Variants in NKIRAS2 observed in about 807,000 individuals in gnomAD.
NKIRAS2 encodes the protein NF-kappa-B inhibitor-interacting Ras-like protein 2.
A neutral mutation model predicts 20.7 loss-of-function variants in NKIRAS2; 15 were observed. That is an observed-to-expected ratio of 0.73 (90% confidence interval 0.49 to 1.12). NKIRAS2 has a LOEUF of 1.12. NKIRAS2 is among the 50% of genes most tolerant of loss of function. The probability of loss-of-function intolerance (pLI) is 0.00; values close to 1 mark genes in which losing one functional copy is unlikely to be tolerated. For synonymous variants in NKIRAS2, 116 were observed against 101.4 expected (o/e 1.14, Z -0.87); for missense variants, 196 against 249.6 (o/e 0.79, Z 1.45).
rs782191983 is a variant in NKIRAS2 at position 42,023,634 on chromosome 17, G to T, written c.337-20G>T. ...TTCTATGGTACATTCACAGGCCTAT[G>T]CTCTGTCCCTCTTCCCCAGGTCACC... On this transcript the variant is annotated intron_variant, in intron 3 of 3. Transcript: ENST00000393885. The T allele has an allele frequency of 4.3e-6, 7 of 1,611,370 alleles. No homozygotes were observed. Among genetic ancestry groups the T allele is most frequent in the Non-Finnish European group, 5.9e-6 (7 of 1,178,402 alleles).
rs782673937 is a variant in NKIRAS2 at position 42,022,578 on chromosome 17, G to A, written c.274G>A (p.Glu92Lys). ...YVLVYSTDSR[E>K]SFQRVELLKK... Reference sequence around the variant, plus strand: ...CCTGGTCTATAGCACAGATAGCAGAGAGTCTTTTCAGCGTGTGGAGCTGCT... The same window carrying A: ...CCTGGTCTATAGCACAGATAGCAGAAAGTCTTTTCAGCGTGTGGAGCTGCT... Residue 92 changes from glutamate to lysine, a missense_variant, in exon 3 of 4, where the codon GAG becomes AAG. Physicochemically the swap from Glu to Lys is moderately conservative, Grantham distance 56. Transcript: ENST00000393885. 6.2e-7 allele frequency: 1 copy of A among 1,614,162 alleles called. No homozygotes were observed. The highest frequency in any genetic ancestry group is 2.2e-5 in the East Asian group (1 of 44,876).
At chr17:42,018,565 G>T (rs184918510), upstream of NKIRAS2, 1 of 152,282 alleles carries the variant, frequency 6.6e-6, no homozygotes, top group African/African-American at 2.4e-5. Context: ...TGGAAAGGAG[G>T]GGTCATTCGT....
chr17:42,021,190 C>T (rs2052438531), intron 1 of NKIRAS2: 4 of 215,074 alleles, frequency 1.9e-5, no homozygotes, highest in Admixed American at 1.5e-4. Flanking sequence ...CTACATCTTG[C>T]GCACAGAAGG....
chr17:42,017,987 C>T (rs2052353283), upstream of NKIRAS2, among the ~76,000 whole-genome samples: 1 of 152,140 alleles, frequency 6.6e-6, no homozygotes, highest in Admixed American at 6.5e-5. Flanking sequence ...CGCCTTTCAT[C>T]CACTCCGGAT....
chr17:42,019,411 A>G (rs2052388563), upstream of NKIRAS2, among the ~76,000 whole-genome samples: 3 of 152,184 alleles, frequency 2.0e-5, no homozygotes, highest in Admixed American at 1.3e-4. Context: ...GGGACTGATC[A>G]TGTCTCTTCA....
chr17:42,022,346 T>A, intron 2 of NKIRAS2, 53 bp from the exon 3 acceptor site: 2 of 1,530,750 alleles, frequency 1.3e-6, no homozygotes, highest in Non-Finnish European at 1.8e-6. Flanking sequence ...CTCTCATCAC[T>A]CACATTTCCC....
intron 3 of NKIRAS2, chr17:42,023,231 T>G: frequency 4.3e-6 from 1 of 230,070 alleles, no homozygotes; most frequent in Non-Finnish European, 9.0e-6. Context: ...ACTCCTGGAC[T>G]CAAGCAGTCC....
At chr17:42,018,103 G>A (rs1440258689), upstream of NKIRAS2, among the ~76,000 whole-genome samples, 1 of 152,244 alleles carries the variant, frequency 6.6e-6, no homozygotes, top group African/African-American at 2.4e-5. Flanking sequence ...GCCTAGGAAA[G>A]CTGACACATG....
upstream of NKIRAS2, among the ~76,000 whole-genome samples, chr17:42,019,176 G>A (rs554787721): frequency 6.6e-6 from 1 of 152,248 alleles, no homozygotes; most frequent in East Asian, 1.9e-4. Flanking sequence ...GGGAGGCTGA[G>A]GCAGGAGGAT....
upstream of NKIRAS2, among the ~76,000 whole-genome samples, chr17:42,017,994 G>A (rs2052353567): frequency 1.3e-5 from 2 of 152,060 alleles, no homozygotes; most frequent in African/African-American, 2.4e-5. Context: ...CATCCACTCC[G>A]GATCTCCAAA....
chr17:42,023,974 G>A lies in NKIRAS2; in HGVS notation c.*81G>A. 3.2e-6 allele frequency: 5 copies of A among 1,546,908 alleles called. No homozygotes were observed. In the South Asian group the frequency reaches 3.8e-5, roughly 12 times the overall value. The stretch of plus-strand genomic sequence containing the variant: ...GTAGATGTGTTGAGGGCAAAGTAGA[G>A]GACAAGCTGTCTTTCCCAGTCAGCC... On this transcript the variant is annotated 3_prime_UTR_variant, in exon 4 of 4. Transcript: ENST00000393885.
chr17:42,018,437 C>T (rs1364582102), upstream of NKIRAS2: 1 of 152,118 alleles, frequency 6.6e-6, no homozygotes, highest in Non-Finnish European at 1.5e-5. Context: ...AAAGGATTTA[C>T]CTGTTTGTTC....
chr17:42,022,737 A>G (rs111760507), intron 3 of NKIRAS2, 97 bp downstream of exon 3: 7 of 1,456,434 alleles, frequency 4.8e-6, no homozygotes, highest in African/African-American at 4.2e-5. Flanking sequence ...TCTTCACTCC[A>G]AGGTGAGTTA....
Position 42,021,873 on chromosome 17 carries a change from G to A in NKIRAS2, c.94+202G>A, listed in dbSNP as rs546420773. On this transcript the variant is annotated intron_variant, in intron 2 of 3. Transcript: ENST00000393885. ...CCTATGTCCAAGATAGGAAAGAGAA[G>A]CTGTCATGTCACACTTGTGCTTAGC... is the stretch of plus-strand genomic sequence containing the variant. 6.7e-6 allele frequency: 5 copies of A among 741,404 alleles called. No individual in the cohort carries two copies. In the South Asian group the frequency reaches 6.8e-5, roughly 10 times the overall value. 45.9% of individuals were successfully genotyped at this position (741,404 alleles called of 1,614,324 possible). A position where few individuals can be genotyped will look rare whatever the true frequency, so the allele number is the denominator to read the frequency against.
chr17:42,024,062 A>G lies in NKIRAS2; in HGVS notation c.*169A>G, dbSNP rs550218626. ...CTCCCTCTCACCTCTGGGAAGTGCAAATACTCTTGGTTGACATCCCCTTCC... is the reference window on the plus strand; with the variant it reads ...CTCCCTCTCACCTCTGGGAAGTGCAGATACTCTTGGTTGACATCCCCTTCC... On this transcript the variant is annotated 3_prime_UTR_variant, in exon 4 of 4. Transcript: ENST00000393885. 38 of 1,045,386 alleles carry G rather than the reference A, an allele frequency of 3.6e-5. No homozygotes were observed. Among genetic ancestry groups the G allele is most frequent in the Middle Eastern group, 3.1e-4 (1 of 3,220 alleles). The allele number at this position is 1,045,386 out of a possible 1,614,324, so 64.8% of individuals were successfully genotyped here. A position where few individuals can be genotyped will look rare whatever the true frequency, so the allele number is the denominator to read the frequency against.
At chr17:42,021,930 C>T in intron 2 of NKIRAS2, 1 of 654,956 alleles carries the variant, frequency 1.5e-6, no homozygotes, top group East Asian at 3.2e-5. Flanking sequence ...TGTCCATTGG[C>T]CGGGTGCGGT....
In NKIRAS2 at chr17:42,025,136, T is replaced by C. The variant is rs965215178; in HGVS notation, c.*1243T>C. ...TGCTGTCAGTCACCAGAGTGGCCGC[T>C]CAGTGCCCAGCCCGCCAGCCTCGCT... On this transcript the variant is annotated 3_prime_UTR_variant, in exon 4 of 4. Transcript: ENST00000393885. 42 of 152,704 alleles carry C rather than the reference T, an allele frequency of 2.8e-4. No individual in the cohort carries two copies. Among genetic ancestry groups the C allele is most frequent in the Middle Eastern group, 6.8e-3 (2 of 294 alleles). 9.5% of individuals were successfully genotyped at this position (152,704 alleles called of 1,614,324 possible).
chr17:42,017,607 G>A (rs2052342296), upstream of NKIRAS2: 2 of 676,782 alleles, frequency 3.0e-6, no homozygotes, highest in Non-Finnish European at 4.9e-6. Context: ...CGCCGGGGCG[G>A]GAGCCCAGGG....
chr17:42,021,247 A>G, intron 1 of NKIRAS2: 1 of 265,222 alleles, frequency 3.8e-6, no homozygotes, highest in Non-Finnish European at 7.5e-6. Context: ...TTATGGCAGC[A>G]TTTCCAAGCA....
Sources: allele counts gnomAD v4.1 joint callset (sites outside exome capture counted in the v4.1 genomes callset), GRCh38; gene constraint gnomAD v4.1.1; transcripts MANE v1.5; gene names NCBI Gene and HGNC (gene_info 2026-07-23, HGNC 2026-07-21).